The following NCAPG2 variants were observed in gnomAD, a reference collection of about 807,000 sequenced individuals.
NCAPG2 encodes non-SMC condensin II complex subunit G2, also known as condensin-2 complex subunit G2.
In NCAPG2, 53 loss-of-function variants were observed where a neutral mutation model predicts 141.1. The ratio of observed to expected loss-of-function variants is 0.38; its 90% CI spans 0.30 to 0.47. The LOEUF is 0.47. NCAPG2 is among the 20% of genes least tolerant of loss of function. The probability of loss-of-function intolerance (pLI) is 0.99; values close to 1 mark genes in which losing one functional copy is unlikely to be tolerated. For synonymous variants in NCAPG2, 499 were observed against 490.7 expected (o/e 1.02, Z -0.22); for missense variants, 1,087 against 1,389.0 (o/e 0.78, Z 3.46).
At position 158,664,223 on chromosome 7, in the gene NCAPG2, G is replaced by A. The variant is rs767933363; in HGVS notation, c.1776C>T (p.Asp592=). 83 of 1,613,394 alleles carry A rather than the reference G, an allele frequency of 5.1e-5. No homozygotes were observed. The highest frequency in any genetic ancestry group is 1.6e-4 in the Middle Eastern group (1 of 6,084). The change falls in exon 15 of 28, where the codon GAC becomes GAT. Residue 592 remains aspartate (D), a synonymous_variant. Transcript: ENST00000356309. The part of the protein sequence containing the change: ...IQRAVREPPE[D]EEEEDGREKE... ...TCTCCCTTCCGTCCTCTTCCTCCTC[G>A]TCCTCTGGAGGCTCTCTCACTGCCC...
intron 19 of NCAPG2, 43 bp from the exon 20 acceptor site, chr7:158,655,498 G>A: frequency 6.7e-7 from 1 of 1,486,490 alleles, no homozygotes; most frequent in Admixed American, 1.7e-5. Flanking sequence ...GACTGACAAG[G>A]CACCACCACA....
In NCAPG2 at chr7:158,666,273, C is replaced by G. The variant is rs191035574; in HGVS notation, c.1480-1523G>C. ...TGAGCCCCTTCTGCCTGTCCCAACA[C>G]ACGAAAGCCTCCTGGCCACAGGCTC... On this transcript the variant is annotated intron_variant, in intron 13 of 27. Coordinates refer to ENST00000356309, the MANE Select transcript of NCAPG2 (RefSeq NM_017760.7). Among the ~76,000 whole-genome samples, 11 of 152,302 alleles carry G rather than the reference C, an allele frequency of 7.2e-5. No homozygotes were observed. The East Asian group carries it at 2.1e-3, about 29-fold the overall frequency.
rs989148242 is a variant in NCAPG2, at chr7:158,694,829, C to T, written c.79-1332G>A. Among the ~76,000 whole-genome samples the T allele has an allele frequency of 2.4e-4, 37 of 152,072 alleles. 1 individual carries two copies. Among genetic ancestry groups the T allele is most frequent in the Middle Eastern group, 3.4e-3 (1 of 294 alleles). On this transcript the variant is annotated intron_variant, in intron 2 of 27. Coordinates refer to ENST00000356309, the MANE Select transcript of NCAPG2 (RefSeq NM_017760.7). ...TTTTTCATCTAGCTTTTTCCACCTC[C>T]GCTTGTTCACTTCTATCTACTCTCT...
chr7:158,702,270 A>G, intron 1 of NCAPG2: 1 of 169,894 alleles, frequency 5.9e-6, no homozygotes, highest in Non-Finnish European at 1.2e-5. Context: ...CTGGCTCGGC[A>G]GAGCTGAGTT....
At chr7:158,669,796 A>AAAAAAAAAAAAT (rs1833560907) in intron 13 of NCAPG2, among the ~76,000 whole-genome samples, 1 of 142,586 alleles carries the variant, frequency 7.0e-6, no homozygotes, top group African/African-American at 2.6e-5. Flanking sequence ...AAAAAAAAAA[A>AAAAAAAAAAAAT]TTGACATGCT....
At chr7:158,636,399 T>C (rs538783492) in intron 27 of NCAPG2, among the ~76,000 whole-genome samples, 2 of 147,778 alleles carry the variant, frequency 1.4e-5, no homozygotes, top group South Asian at 4.4e-4. Flanking sequence ...TATTTCTTTT[T>C]TTCTTTTTTT....
rs940593022 is a variant in NCAPG2 at position 158,680,663 on chromosome 7, A to G, written c.1020+58T>C. 9 of 1,158,406 alleles carry G rather than the reference A, an allele frequency of 7.8e-6. No individual in the cohort carries two copies. In the African/African-American group the frequency reaches 1.4e-4, roughly 18 times the overall value. 71.8% of individuals were successfully genotyped at this position (1,158,406 alleles called of 1,614,324 possible). ...TTGTAATTTGGACTTAGAGTTTGCT[A>G]AATTCAAAAGCACAAGTAGTACATT... On this transcript the variant is annotated intron_variant, in intron 10 of 27. Transcript: ENST00000356309.
At chr7:158,703,690 A>T (rs1343257741) in intron 1 of NCAPG2, 1 of 152,198 alleles carries the variant, frequency 6.6e-6, no homozygotes, top group Non-Finnish European at 1.5e-5. Flanking sequence ...CTCTTCGCAC[A>T]GGAGGTCTGG....
At chr7:158,635,208 G>A (rs1733173411) in intron 27 of NCAPG2, among the ~76,000 whole-genome samples, 2 of 152,252 alleles carry the variant, frequency 1.3e-5, no homozygotes, top group African/African-American at 4.8e-5. Context: ...GGGTATGGAT[G>A]ATGGAAGCAT....
At chr7:158,664,497 A>G (rs370628004) in intron 14 of NCAPG2, 31 bp downstream of exon 14, 44 of 1,602,154 alleles carry the variant, frequency 2.7e-5, no homozygotes, top group South Asian at 1.1e-5. Context: ...GGAAAACATA[A>G]CAAGAACTGA....
At position 158,656,359 on chromosome 7, in the gene NCAPG2, G is replaced by A; in HGVS notation, c.2289C>T (p.Tyr763=). ...RPVKPELALV[Y]IEYLLTHPKN... is the part of the protein sequence containing the mutation. ...TTGGATGAGTCAGCAGATACTCAATGTAGACCAATGCCAATTCAGGTTTGA... is the reference window on the plus strand; with the variant it reads ...TTGGATGAGTCAGCAGATACTCAATATAGACCAATGCCAATTCAGGTTTGA... Residue 763 remains tyrosine (Y), a synonymous_variant, in exon 19 of 28, where the codon TAC becomes TAT. Coordinates refer to ENST00000356309, the MANE Select transcript of NCAPG2 (RefSeq NM_017760.7). 1 of 1,614,196 alleles carries A rather than the reference G, an allele frequency of 6.2e-7. No individual in the cohort carries two copies. The highest frequency in any genetic ancestry group is 8.5e-7 in the Non-Finnish European group (1 of 1,180,028).
Position 158,687,389 on chromosome 7 carries a change from C to A in NCAPG2, c.726G>T (p.Met242Ile), listed in dbSNP as rs1834835727. ...LFNWNINFIK[M>I]IHGTIKNQLQ... ...ACTGGTTTTTAATGGTCCCGTGGAT[C>A]ATTTTGATGAAGTTGATATTCCAGT... Residue 242 changes from methionine (M) to isoleucine (I), a missense_variant, in exon 7 of 28, where the codon ATG (methionine) becomes ATT (isoleucine). Coordinates refer to ENST00000356309, the MANE Select transcript of NCAPG2 (RefSeq NM_017760.7). 1 of 1,611,418 alleles carries A rather than the reference C, an allele frequency of 6.2e-7. No individual in the cohort carries two copies. Among genetic ancestry groups the A allele is most frequent in the African/African-American group, 1.3e-5 (1 of 74,906 alleles).
rs2290394 is a variant in NCAPG2, at chr7:158,643,865, A to T, written c.3380+424T>A. Among the ~76,000 whole-genome samples, 86 of 152,332 alleles carry T rather than the reference A, an allele frequency of 5.6e-4. 2 individuals are homozygous for T. In the East Asian group the frequency reaches 0.014, roughly 25 times the overall value. On this transcript the variant is annotated intron_variant, in intron 27 of 27. Coordinates refer to ENST00000356309, the MANE Select transcript of NCAPG2 (RefSeq NM_017760.7). ...TGGTAGCCTGCAGGCTGTGCGTAGCAATGGGCTGTCCAGCAAGGGGGAAAT... is the reference window on the plus strand; with the variant it reads ...TGGTAGCCTGCAGGCTGTGCGTAGCTATGGGCTGTCCAGCAAGGGGGAAAT...
rs1259287686 is a variant in NCAPG2, at chr7:158,664,763, C to T, written c.1480-13G>A. 3.7e-6 allele frequency: 6 copies of T among 1,604,604 alleles called. No homozygotes were observed. The highest frequency in any genetic ancestry group is 5.1e-6 in the Non-Finnish European group (6 of 1,172,238). Reference sequence around the variant, plus strand: ...ATATTTTCCAAAACTGTGCAAAAAGCACATATGCAGAAGGAAATAATCAAT... The same window carrying T: ...ATATTTTCCAAAACTGTGCAAAAAGTACATATGCAGAAGGAAATAATCAAT... On this transcript the variant is annotated splice_polypyrimidine_tract_variant and intron_variant, in intron 13 of 27. Coordinates refer to ENST00000356309, the MANE Select transcript of NCAPG2 (RefSeq NM_017760.7).
At chr7:158,690,850 T>C in intron 4 of NCAPG2, 128 bp from the exon 5 acceptor site, 1 of 805,814 alleles carries the variant, frequency 1.2e-6, no homozygotes, top group Non-Finnish European at 1.8e-6. Context: ...TTAGTTATGT[T>C]TAACTTGCCA....
chr7:158,652,198 C>A, intron 23 of NCAPG2, 95 bp downstream of exon 23: 2 of 1,266,706 alleles, frequency 1.6e-6, no homozygotes, highest in East Asian at 2.4e-5. Flanking sequence ...GTCACCCGAG[C>A]GTGAACAGCA....
chr7:158,664,459 A>C (rs1336288518), intron 14 of NCAPG2, 69 bp downstream of exon 14: 1 of 1,556,338 alleles, frequency 6.4e-7, no homozygotes, highest in African/African-American at 1.4e-5. Context: ...CAAATACTGA[A>C]CTCTGTAATT....
intron 27 of NCAPG2, chr7:158,641,565 A>G: frequency 3.2e-6 from 2 of 624,162 alleles, no homozygotes; most frequent in Admixed American, 2.9e-5. Flanking sequence ...CTTGGAAAAA[A>G]AAAAAAAAAG....
rs1366530607 is a variant in NCAPG2, at chr7:158,664,634, C to T, written c.1596G>A (p.Pro532=). The change falls in exon 14 of 28, where the codon CCG becomes CCA. Residue 532 remains proline (P), a synonymous_variant. Transcript: ENST00000356309. ...CACAGCGCTCGCACCAGACCTCCTC[C>T]GGCTGATTCACAGGCAGGAAAGAAT... ...IFNSFLPVNQ[P]EEVWCERCVT... is the part of the protein sequence containing the mutation. The T allele has an allele frequency of 1.1e-5, 18 of 1,613,998 alleles. No homozygotes were observed. Among genetic ancestry groups the T allele is most frequent in the Middle Eastern group, 1.6e-4 (1 of 6,084 alleles).
Sources: allele counts gnomAD v4.1 joint callset (sites outside exome capture counted in the v4.1 genomes callset), GRCh38; gene constraint gnomAD v4.1.1; transcripts MANE v1.5; gene names NCBI Gene and HGNC (gene_info 2026-07-23, HGNC 2026-07-21).